Variants in ZNF521 observed in about 807,000 individuals in gnomAD.
ZNF521 encodes the protein LYST-interacting protein 3.
In ZNF521, 14 loss-of-function variants were observed where a neutral mutation model predicts 105.5. The observed-to-expected ratio is 0.13, with a 90% confidence interval of 0.09 to 0.21. The LOEUF (loss-of-function observed/expected upper bound fraction) is 0.21, where lower values mean the gene tolerates loss of function less well. ZNF521 is among the 10% of genes least tolerant of loss of function. The probability of loss-of-function intolerance (pLI) is 1.00; values close to 1 mark genes in which losing one functional copy is unlikely to be tolerated. For missense variants in ZNF521, 1,233 were observed against 1,629.7 expected, an observed-to-expected ratio of 0.76 and a Z score of 4.19; for synonymous variants, 635 against 606.0, an observed-to-expected ratio of 1.05 and a Z score of -0.70.
Position 25,327,439 on chromosome 18 carries a change from A to T in ZNF521, c.41-5252T>A, listed in dbSNP as rs1600312369. 6.0e-6 allele frequency: 7 copies of T among 1,166,508 alleles called. No homozygotes were observed. In the South Asian group the frequency reaches 1.1e-4, roughly 18 times the overall value. The allele number at this position is 1,166,508 out of a possible 1,614,324, so 72.3% of individuals were successfully genotyped here. ...TTCTAGGTTTCGTGACATATTTAGA[A>T]GTCCCACACCTAAAAAGAAAATCAG... On this transcript the variant is annotated intron_variant, in intron 2 of 7. Transcript: ENST00000361524.
intron 3 of ZNF521, among the ~76,000 whole-genome samples, chr18:25,288,595 G>GAAAA (rs71375174): frequency 2.8e-5 from 3 of 106,394 alleles, no homozygotes; most frequent in Non-Finnish European, 4.0e-5. Flanking sequence ...ACCCAGCTTT[G>GAAAA]AAAAAAAAAA....
intron 2 of ZNF521, among the ~76,000 whole-genome samples, chr18:25,345,768 A>G (rs1914433843): frequency 6.6e-6 from 1 of 152,340 alleles, no homozygotes; most frequent in African/African-American, 2.4e-5. Context: ...TCTAGTCAGT[A>G]TAATTTAAAG....
intron 5 of ZNF521, among the ~76,000 whole-genome samples, chr18:25,150,693 C>T (rs1482104999): frequency 2.0e-5 from 3 of 152,002 alleles, no homozygotes; most frequent in African/African-American, 7.3e-5. Flanking sequence ...GGATCCCTTC[C>T]TCTCTTTTAT....
chr18:25,312,640 G>A (rs1393545703), intron 3 of ZNF521, among the ~76,000 whole-genome samples: 2 of 88,616 alleles, frequency 2.3e-5, no homozygotes, highest in Non-Finnish European at 4.8e-5. Flanking sequence ...GTGAAACCCC[G>A]TCTCTACTAA....
At chr18:25,205,141 TAAAAAAAAAAAAAA>T (rs34563599) in intron 4 of ZNF521, among the ~76,000 whole-genome samples, 5 of 74,914 alleles carry the variant, frequency 6.7e-5, no homozygotes, top group African/African-American at 2.5e-4. Flanking sequence ...GTAGTGAAGG[TAAAAAAAAAAAAAA>T]AAAAAAAAAA....
At chr18:25,206,794 A>T (rs1405822712) in intron 4 of ZNF521, among the ~76,000 whole-genome samples, 1 of 152,076 alleles carries the variant, frequency 6.6e-6, no homozygotes, top group Admixed American at 6.5e-5. Flanking sequence ...TTCTCCTTCA[A>T]ATCACTTCTA....
rs570962738 is a variant in ZNF521 at position 25,217,849 on chromosome 18, G to A, written c.3573+6496C>T. The stretch of plus-strand genomic sequence containing the variant: ...ATCTGCACAGGGCATTGAGGGGATA[G>A]GGAGATGCTTGGGATGGAGAGTCAG... On this transcript the variant is annotated intron_variant, in intron 4 of 7. Transcript: ENST00000361524. Among the ~76,000 whole-genome samples, 6 of 152,358 alleles carry A rather than the reference G, an allele frequency of 3.9e-5. No homozygotes were observed. In the East Asian group the frequency reaches 1.2e-3, roughly 29 times the overall value.
intron 7 of ZNF521, among the ~76,000 whole-genome samples, chr18:25,075,164 A>G (rs2033330872): frequency 6.6e-6 from 1 of 152,164 alleles, no homozygotes; most frequent in Non-Finnish European, 1.5e-5. Context: ...GCCTCATTCT[A>G]ATCAGTCCTC....
At position 25,212,307 on chromosome 18, in the gene ZNF521, C is replaced by T. The variant is rs188035640; in HGVS notation, c.3573+12038G>A. ...TGGGCAGATCACAAGGTCAGCAGTT[C>T]GAGACCAGCCTGGCCAACATAGTGA... On this transcript the variant is annotated intron_variant, in intron 4 of 7. Coordinates refer to ENST00000361524, the MANE Select transcript of ZNF521 (RefSeq NM_015461.3). Among the ~76,000 whole-genome samples the T allele has an allele frequency of 7.9e-3, 1,194 of 150,946 alleles. 10 individuals are homozygous for T. The highest frequency in any genetic ancestry group is 0.014 in the Middle Eastern group (4 of 290).
intron 5 of ZNF521, among the ~76,000 whole-genome samples, chr18:25,144,318 A>G (rs914135367): frequency 6.6e-6 from 1 of 152,178 alleles, no homozygotes; most frequent in Admixed American, 6.6e-5. Flanking sequence ...TAGCCACCCC[A>G]TGCAGATAAT....
chr18:25,237,598 TAAGAA>T (rs1907001479), intron 3 of ZNF521, among the ~76,000 whole-genome samples: 1 of 152,130 alleles, frequency 6.6e-6, no homozygotes, highest in African/African-American at 2.4e-5. Context: ...AAATAATGTA[TAAGAA>T]AAGAATCCAA....
intron 5 of ZNF521, among the ~76,000 whole-genome samples, chr18:25,163,973 C>T (rs183801469): frequency 1.1e-4 from 17 of 152,268 alleles, no homozygotes; most frequent in African/African-American, 3.8e-4. Context: ...AAGGAGAGGA[C>T]AGATCGAAAT....
intron 3 of ZNF521, among the ~76,000 whole-genome samples, chr18:25,249,359 G>A (rs1160905524): frequency 6.6e-6 from 1 of 151,426 alleles, no homozygotes; most frequent in Non-Finnish European, 1.5e-5. Context: ...GGGTTTCACT[G>A]TGTTAGCCAG....
Position 25,265,670 on chromosome 18 carries a change from C to A in ZNF521, c.221-37973G>T, listed in dbSNP as rs572398952. On this transcript the variant is annotated intron_variant, in intron 3 of 7. Coordinates refer to ENST00000361524, the MANE Select transcript of ZNF521 (RefSeq NM_015461.3). ...CCTCAAGAAACTAAAAATAGAGCTA[C>A]CCTATCCCATTGCGGGGCATATACC... Among the ~76,000 whole-genome samples the A allele has an allele frequency of 8.5e-5, 13 of 152,288 alleles. No individual in the cohort carries two copies. The South Asian group carries it at 2.5e-3, about 29-fold the overall frequency.
At chr18:25,123,477 T>C (rs2034483613) in intron 5 of ZNF521, among the ~76,000 whole-genome samples, 1 of 152,208 alleles carries the variant, frequency 6.6e-6, no homozygotes. Context: ...TAAAGTACCT[T>C]CAAGCAATCT....
chr18:25,221,247 A>G (rs749652201), intron 4 of ZNF521, among the ~76,000 whole-genome samples: 2 of 152,200 alleles, frequency 1.3e-5, no homozygotes, highest in Admixed American at 6.5e-5. Flanking sequence ...TCTCTATTAC[A>G]TAACAGCTAC....
At chr18:25,089,652 G>T in intron 6 of ZNF521, 72 bp from the exon 7 acceptor site, 2 of 1,231,926 alleles carry the variant, frequency 1.6e-6, no homozygotes, top group South Asian at 1.2e-5. Flanking sequence ...GACTCTGCAT[G>T]AACAGACAGC....
chr18:25,139,372 C>CAAAAAAAAAAAAAAAAAAAAAAAA (rs36175281), intron 5 of ZNF521, among the ~76,000 whole-genome samples: 26 of 51,388 alleles, frequency 5.1e-4, no homozygotes, highest in Non-Finnish European at 6.5e-4. Context: ...GACTCTGTCT[C>CAAAAAAAAAAAAAAAAAAAAAAAA]AAAAAAAAAA....
intron 2 of ZNF521, among the ~76,000 whole-genome samples, chr18:25,329,455 C>A (rs559282031): frequency 6.6e-6 from 1 of 152,276 alleles, no homozygotes; most frequent in East Asian, 1.9e-4. Context: ...CCAAGAAGAG[C>A]AAGTTGGGCT....
Sources: allele counts gnomAD v4.1 joint callset (sites outside exome capture counted in the v4.1 genomes callset), GRCh38; gene constraint gnomAD v4.1.1; transcripts MANE v1.5; gene names NCBI Gene and HGNC (gene_info 2026-07-23, HGNC 2026-07-21).